NR2C1: variants seen among roughly 807,000 people sequenced by gnomAD.
The protein encoded by NR2C1 is nuclear receptor subfamily 2 group C member 1.
In NR2C1, 33 loss-of-function variants were observed where a neutral mutation model predicts 74.8. That is an observed-to-expected ratio of 0.44 (90% CI 0.33 to 0.59). The LOEUF (loss-of-function observed/expected upper bound fraction) is 0.59, where lower values mean the gene tolerates loss of function less well. Among genes scored for constraint, NR2C1 ranks in the 20% least tolerant of loss-of-function variants. The pLI is 0.02. For missense variants in NR2C1, 568 were observed against 715.6 expected, an observed-to-expected ratio of 0.79 and a Z score of 2.35; for synonymous variants, 225 against 240.6, an observed-to-expected ratio of 0.94 and a Z score of 0.60.
intron 10 of NR2C1, among the ~76,000 whole-genome samples, chr12:95,034,259 G>A (rs1870532591): frequency 6.6e-6 from 1 of 151,848 alleles, no homozygotes; most frequent in Non-Finnish European, 1.5e-5. Flanking sequence ...TATCCAAGAA[G>A]GATCACTGGC....
chr12:95,030,615 G>A, intron 11 of NR2C1: 2 of 1,613,214 alleles, frequency 1.2e-6, no homozygotes, highest in Non-Finnish European at 1.7e-6. Flanking sequence ...ACATTTTAAG[G>A]TGATTACCCC....
intron 2 of NR2C1, among the ~76,000 whole-genome samples, chr12:95,066,596 C>G (rs1367095042): frequency 6.6e-6 from 1 of 152,158 alleles, no homozygotes; most frequent in Admixed American, 6.5e-5. Context: ...AATGTAGAGT[C>G]ATAAACTATA....
intron 5 of NR2C1, 130 bp downstream of exon 5, chr12:95,058,180 T>C: frequency 1.2e-6 from 1 of 808,382 alleles, no homozygotes; most frequent in African/African-American, 1.7e-5. Context: ...TAGGTCTGTA[T>C]TCTTATATTT....
At chr12:95,063,955 G>A (rs11107881) in intron 2 of NR2C1, among the ~76,000 whole-genome samples, 38,029 of 148,766 alleles carry the variant, frequency 0.26, 5,223 homozygotes, top group Non-Finnish European at 0.27. Flanking sequence ...CTTGAACCCT[G>A]GAGGCGGAGG....
intron 4 of NR2C1, among the ~76,000 whole-genome samples, chr12:95,058,866 C>T (rs1274561894): frequency 2.0e-5 from 3 of 151,948 alleles, no homozygotes; most frequent in Admixed American, 6.6e-5. Flanking sequence ...TGGCCTCAAG[C>T]GATCCTCCTG....
chr12:95,060,640 A>G (rs1874658168), intron 3 of NR2C1, among the ~76,000 whole-genome samples: 1 of 152,184 alleles, frequency 6.6e-6, no homozygotes, highest in Non-Finnish European at 1.5e-5. Context: ...GGGAGACAGA[A>G]CGAGACTCCA....
chr12:95,048,434 A>C (rs983499286), intron 9 of NR2C1, among the ~76,000 whole-genome samples: 1 of 152,218 alleles, frequency 6.6e-6, no homozygotes, highest in Non-Finnish European at 1.5e-5. Context: ...AAAAGTTATA[A>C]AAGCTAACTT....
In NR2C1 at chr12:95,051,859, G is replaced by A; in HGVS notation, c.868C>T (p.Gln290Ter). The part of the protein sequence containing the change: ...ANLGKTKDLS[Q>*]NSNEMSMIES... ...ATCATAGACATTTCATTACTATTTT[G>A]AGAAAGATCTTTAGTTTTTCCAAGA... The change falls in exon 8 of 14, where the codon CAA becomes TAA. Residue 290 changes from glutamine (Q) to a stop codon, truncating the protein, a stop_gained. Coordinates refer to ENST00000333003, the MANE Select transcript of NR2C1 (RefSeq NM_003297.4). LOFTEE classifies it high-confidence loss of function. The A allele has an allele frequency of 6.2e-7, 1 of 1,611,606 alleles. No homozygotes were observed. Among genetic ancestry groups the A allele is most frequent in the Non-Finnish European group, 8.5e-7 (1 of 1,179,338 alleles).
intron 7 of NR2C1, among the ~76,000 whole-genome samples, chr12:95,052,749 A>G (rs535797842): frequency 6.6e-6 from 1 of 152,172 alleles, no homozygotes; most frequent in South Asian, 2.1e-4. Context: ...ACAAACTATA[A>G]ACTTGTATGG....
chr12:95,064,452 C>A (rs1370131991), intron 2 of NR2C1, among the ~76,000 whole-genome samples: 1 of 151,946 alleles, frequency 6.6e-6, no homozygotes, highest in African/African-American at 2.4e-5. Context: ...AACAGGGTAG[C>A]AGCCATGCTG....
At chr12:95,040,337 CAT>C in intron 10 of NR2C1, 137 bp downstream of exon 10, 1 of 726,706 alleles carries the variant, frequency 1.4e-6, no homozygotes, top group Non-Finnish European at 2.1e-6. Context: ...CATGATTTGT[CAT>C]TTGAATGACA....
chr12:95,054,790 G>A (rs1433992249), intron 7 of NR2C1, among the ~76,000 whole-genome samples: 1 of 151,808 alleles, frequency 6.6e-6, no homozygotes, highest in East Asian at 1.9e-4. Flanking sequence ...TCATTCTTAG[G>A]TGTTTCTCGC....
rs931388468 is a variant in NR2C1, at chr12:95,046,684, T to C, written c.1131+2384A>G. On this transcript the variant is annotated intron_variant, in intron 9 of 13. Transcript: ENST00000333003. ...AATATGCTGCAAACTACAGTGTACA[T>C]AGAAATGCAACAGAGGAACAAAATG... 2.6e-5 allele frequency among the ~76,000 whole-genome samples: 4 copies of C among 152,094 alleles called. No individual in the cohort carries two copies. The South Asian group carries it at 6.2e-4, about 24-fold the overall frequency.
intron 11 of NR2C1, chr12:95,030,913 C>G: frequency 6.8e-7 from 1 of 1,462,946 alleles, no homozygotes; most frequent in African/African-American, 1.4e-5. Context: ...TTGTTCCTGA[C>G]TCTTCAGAAC....
intron 12 of NR2C1, among the ~76,000 whole-genome samples, chr12:95,027,618 C>T (rs1020738988): frequency 1.3e-5 from 2 of 152,078 alleles, no homozygotes; most frequent in Admixed American, 6.5e-5. Context: ...TGCCTGTAAT[C>T]CCAGCTACTG....
chr12:95,057,098 A>ATT (rs1184465413), intron 7 of NR2C1, among the ~76,000 whole-genome samples: 345 of 111,458 alleles, frequency 3.1e-3, no homozygotes, highest in Middle Eastern at 0.012. Flanking sequence ...AACATTTCTG[A>ATT]TTTTTTTTTT....
chr12:95,063,317 T>C (rs1362432310), intron 2 of NR2C1, among the ~76,000 whole-genome samples: 1 of 151,944 alleles, frequency 6.6e-6, no homozygotes, highest in Non-Finnish European at 1.5e-5. Context: ...TATAAGTAGG[T>C]CCCAGGGCAG....
intron 2 of NR2C1, among the ~76,000 whole-genome samples, chr12:95,065,882 G>A (rs548276150): frequency 4.5e-4 from 69 of 151,654 alleles, no homozygotes; most frequent in South Asian, 3.8e-3. Flanking sequence ...CCAGGGAGGC[G>A]GAGGTTGCAG....
chr12:95,042,545 C>G (rs249143), intron 9 of NR2C1, among the ~76,000 whole-genome samples: 18,708 of 151,926 alleles, frequency 0.12, 1,497 homozygotes, highest in Non-Finnish European at 0.18. Context: ...AAATACCGCA[C>G]CTGGCCCCTC....
Sources: gnomAD v4.1 joint callset for allele counts (sites outside exome capture counted in the v4.1 genomes callset) on GRCh38, gnomAD v4.1.1 for gene constraint, MANE v1.5 for transcripts, NCBI Gene and HGNC (gene_info 2026-07-23, HGNC 2026-07-21) for gene names.